Variants in BTAF1 observed in about 807,000 individuals in gnomAD.
The protein encoded by BTAF1 is B-TFIID TATA-box binding protein associated factor 1, also known as TATA-binding protein-associated factor 172.
A neutral mutation model predicts 227.1 loss-of-function variants in BTAF1; 38 were observed. That is an observed-to-expected ratio of 0.17 (90% CI 0.13 to 0.22). The LOEUF (loss-of-function observed/expected upper bound fraction) is 0.22. Among genes scored for constraint, BTAF1 ranks in the 10% least tolerant of loss-of-function variants. BTAF1 has a pLI of 1.00. For synonymous variants in BTAF1, 742 were observed against 751.9 expected (o/e 0.99, Z 0.21); for missense variants, 1,598 against 2,204.0 (o/e 0.73, Z 5.51).
At chr10:92,017,297 A>C (rs565725029) in intron 33 of BTAF1, among the ~76,000 whole-genome samples, 1 of 152,302 alleles carries the variant, frequency 6.6e-6, no homozygotes, top group Admixed American at 6.5e-5. Context: ...TATGGGGGGA[A>C]GTGATTCCAG....
At chr10:92,016,545 C>T (rs1850741789) in intron 33 of BTAF1, 80 bp downstream of exon 33, 2 of 1,218,572 alleles carry the variant, frequency 1.6e-6, no homozygotes, top group Admixed American at 3.3e-5. Context: ...GTGGCATGAT[C>T]TCGGCTCACT....
chr10:91,934,096 T>G (rs1420636430), intron 1 of BTAF1, among the ~76,000 whole-genome samples: 1 of 152,190 alleles, frequency 6.6e-6, no homozygotes, highest in African/African-American at 2.4e-5. Context: ...GTCAAAAGAT[T>G]GGATATGTCT....
Position 91,923,847 on chromosome 10 carries a change from C to T in BTAF1, c.-230C>T. ...GTTTGAAGTCGTGCGGGTCGGAGGA[C>T]TGCCGCCTCCGCTACCGTCTTGGAC... On this transcript the variant is annotated 5_prime_UTR_variant, in exon 1 of 38. Transcript: ENST00000265990. 2.2e-6 allele frequency: 1 copy of T among 457,016 alleles called. No homozygotes were observed. The highest frequency in any genetic ancestry group is 3.9e-6 in the Non-Finnish European group (1 of 259,220). The allele number at this position is 457,016 out of a possible 1,614,324, so 28.3% of individuals were successfully genotyped here. A position where few individuals can be genotyped will look rare whatever the true frequency, so the allele number is the denominator to read the frequency against.
At chr10:91,974,589 C>T (rs1456488683) in intron 14 of BTAF1, among the ~76,000 whole-genome samples, 1 of 152,186 alleles carries the variant, frequency 6.6e-6, no homozygotes, top group Non-Finnish European at 1.5e-5. Context: ...CAGTGGCTCA[C>T]TCCTGTAACC....
chr10:91,994,677 A>G (rs1849017469), intron 23 of BTAF1, 33 bp downstream of exon 23: 1 of 1,537,810 alleles, frequency 6.5e-7, no homozygotes, highest in South Asian at 1.1e-5. Context: ...ATATTTCTTC[A>G]AATAAAACAA....
In BTAF1 at chr10:91,943,500, G is replaced by C. The variant is rs140575533; in HGVS notation, c.400+932G>C. ...GCATTTTTGAGTAAAAAACAAAACA[G>C]AATAACACTCTGTTGCTAATTAATC... On this transcript the variant is annotated intron_variant, in intron 4 of 37. Coordinates refer to ENST00000265990, the MANE Select transcript of BTAF1 (RefSeq NM_003972.3). Among the ~76,000 whole-genome samples, 764 of 152,232 alleles carry C rather than the reference G, an allele frequency of 5.0e-3. 11 individuals carry two copies. Among genetic ancestry groups the C allele is most frequent in the African/African-American group, 0.017 (720 of 41,554 alleles).
At chr10:92,000,672 C>T (rs1468020947) in intron 25 of BTAF1, among the ~76,000 whole-genome samples, 2 of 152,126 alleles carry the variant, frequency 1.3e-5, no homozygotes, top group African/African-American at 4.8e-5. Flanking sequence ...ATTCTCCTGC[C>T]TCAGCCTCCC....
At chr10:91,933,419 C>T (rs1465182191) in intron 1 of BTAF1, among the ~76,000 whole-genome samples, 1 of 152,078 alleles carries the variant, frequency 6.6e-6, no homozygotes, top group Admixed American at 6.5e-5. Context: ...ATACAGTTTC[C>T]TCAGGGAGAA....
At chr10:92,011,225 T>G in intron 29 of BTAF1, 61 bp from the exon 30 acceptor site, 1 of 1,516,414 alleles carries the variant, frequency 6.6e-7, no homozygotes, top group Non-Finnish European at 8.9e-7. Flanking sequence ...CTTTAAAGAT[T>G]CTTCATATAG....
At chr10:91,991,775 ATGTG>A (rs376156562) in intron 20 of BTAF1, among the ~76,000 whole-genome samples, 76 of 81,446 alleles carry the variant, frequency 9.3e-4, no homozygotes, top group African/African-American at 4.3e-3. Flanking sequence ...AATTATATAT[ATGTG>A]TGTGTGTGTG....
intron 14 of BTAF1, among the ~76,000 whole-genome samples, chr10:91,969,857 G>A (rs1221969246): frequency 2.0e-5 from 3 of 151,826 alleles, no homozygotes; most frequent in Non-Finnish European, 4.4e-5. Context: ...GTAGCTACTC[G>A]GGAGGCTGAG....
intron 25 of BTAF1, among the ~76,000 whole-genome samples, chr10:91,999,980 A>G (rs1319923309): frequency 6.6e-6 from 1 of 152,178 alleles, no homozygotes; most frequent in Non-Finnish European, 1.5e-5. Flanking sequence ...GGGAAGGAGC[A>G]TATGGGATCT....
Position 91,942,582 on chromosome 10 carries a change from C to T in BTAF1, c.400+14C>T. On this transcript the variant is annotated intron_variant, in intron 4 of 37. Coordinates refer to ENST00000265990, the MANE Select transcript of BTAF1 (RefSeq NM_003972.3). ...ATGAAAAATCAGGTCTGTAGTGGTTCTGAGAAGAAAGTCTAAAATTTGTTT... is the reference window on the plus strand; with the variant it reads ...ATGAAAAATCAGGTCTGTAGTGGTTTTGAGAAGAAAGTCTAAAATTTGTTT... The T allele has an allele frequency of 4.3e-6, 7 of 1,612,376 alleles. No homozygotes were observed. Among genetic ancestry groups the T allele is most frequent in the South Asian group, 1.1e-5 (1 of 90,934 alleles).
chr10:91,943,306 TC>T (rs1370207035), intron 4 of BTAF1, among the ~76,000 whole-genome samples: 1 of 152,130 alleles, frequency 6.6e-6, no homozygotes, highest in African/African-American at 2.4e-5. Context: ...AGAGGTAGAC[TC>T]TGTCTCAAAA....
rs764061430 is a variant in BTAF1 at position 92,028,794 on chromosome 10, G to T, written c.5411G>T (p.Gly1804Val). ...LLDLFTLDKD[G>V]KAEKADTSTS... ...TTTTTGCCAATTTTTCTTAAGGATGGCAAAGCAGAAAAAGCTGACACCTCT... is the reference window on the plus strand; with the variant it reads ...TTTTTGCCAATTTTTCTTAAGGATGTCAAAGCAGAAAAAGCTGACACCTCT... Residue 1804 changes from glycine (G) to valine (V), a missense_variant, in exon 38 of 38, where the codon GGC becomes GTC. Around this residue, in one of 10 missense-constraint regions of BTAF1, gnomAD observed 79 missense variants for 97.9 expected, o/e 0.81. Coordinates refer to ENST00000265990, the MANE Select transcript of BTAF1 (RefSeq NM_003972.3). The T allele has an allele frequency of 4.4e-6, 7 of 1,583,026 alleles. No individual in the cohort carries two copies. Among genetic ancestry groups the T allele is most frequent in the East Asian group, 2.3e-5 (1 of 44,112 alleles).
Position 92,013,557 on chromosome 10 carries a change from T to A in BTAF1, c.4312-110T>A. ...TTACACCATATGTCTAAAAATATAG[T>A]GATAATCTCTCATCTATATGATTAT... On this transcript the variant is annotated intron_variant, in intron 30 of 37. Transcript: ENST00000265990. 2.2e-6 allele frequency: 3 copies of A among 1,361,502 alleles called. No individual in the cohort carries two copies. The South Asian group carries it at 3.9e-5, about 18-fold the overall frequency. 84.3% of individuals were successfully genotyped at this position (1,361,502 alleles called of 1,614,324 possible). A position where few individuals can be genotyped will look rare whatever the true frequency, so the allele number is the denominator to read the frequency against.
intron 1 of BTAF1, among the ~76,000 whole-genome samples, chr10:91,933,288 C>T (rs1377027186): frequency 6.6e-6 from 1 of 152,078 alleles, no homozygotes; most frequent in Non-Finnish European, 1.5e-5. Flanking sequence ...TATTCGGGGG[C>T]GTTTTAGGAA....
chr10:92,009,963 ATAT>A (rs1299233240), intron 28 of BTAF1, among the ~76,000 whole-genome samples: 5 of 152,180 alleles, frequency 3.3e-5, no homozygotes, highest in African/African-American at 7.2e-5. Context: ...ATAATAGCAA[ATAT>A]TATTATTAAA....
chr10:92,012,098 C>A (rs1850345233), intron 30 of BTAF1, among the ~76,000 whole-genome samples: 1 of 94,208 alleles, frequency 1.1e-5, no homozygotes, highest in Admixed American at 1.1e-4. Flanking sequence ...TCCCTCCCCT[C>A]CCCCTCCCTC....
Sources: gnomAD v4.1 joint callset for allele counts (sites outside exome capture counted in the v4.1 genomes callset) on GRCh38, gnomAD v4.1.1 for gene constraint, gnomAD v4.1.1 regional missense constraint, MANE v1.5 for transcripts, NCBI Gene and HGNC (gene_info 2026-07-23, HGNC 2026-07-21) for gene names.